ZNF804A: variants seen among roughly 807,000 people sequenced by gnomAD.
ZNF804A encodes the protein zinc finger protein 804A.
ZNF804A carries 2 observed loss-of-function variants against 16.5 expected under a neutral mutation model. The observed-to-expected ratio is 0.12, with a 90% confidence interval of 0.05 to 0.38. ZNF804A has a LOEUF of 0.38. ZNF804A is among the 10% of genes least tolerant of loss of function. The pLI is 0.99. For synonymous variants in ZNF804A, 534 were observed against 489.6 expected (o/e 1.09, Z -1.20); for missense variants, 1,473 against 1,390.7 (o/e 1.06, Z -0.94).
intron 1 of ZNF804A, among the ~76,000 whole-genome samples, chr2:184,745,073 TTATACTTTA>T (rs1452977190): frequency 6.6e-6 from 1 of 151,862 alleles, no homozygotes; most frequent in Non-Finnish European, 1.5e-5. Flanking sequence ...GATTGAGTTA[TTATACTTTA>T]TATTACTTAC....
At chr2:184,787,201 G>C (rs1694462011) in intron 1 of ZNF804A, among the ~76,000 whole-genome samples, 2 of 151,872 alleles carry the variant, frequency 1.3e-5, no homozygotes, top group South Asian at 4.1e-4. Context: ...TAATAAATTA[G>C]AACATTCAAT....
intron 2 of ZNF804A, among the ~76,000 whole-genome samples, chr2:184,874,078 A>G (rs1696016114): frequency 6.6e-6 from 1 of 152,154 alleles, no homozygotes; most frequent in African/African-American, 2.4e-5. Context: ...GAATCTTAGA[A>G]ATAAAAATAG....
chr2:184,654,542 T>A (rs1692044204), intron 1 of ZNF804A, among the ~76,000 whole-genome samples: 1 of 152,162 alleles, frequency 6.6e-6, no homozygotes, highest in Non-Finnish European at 1.5e-5. Context: ...ATTCAATGTC[T>A]CAGTGCCCCC....
intron 1 of ZNF804A, among the ~76,000 whole-genome samples, chr2:184,742,731 AAT>A (rs778877348): frequency 2.6e-5 from 4 of 150,944 alleles, no homozygotes; most frequent in Admixed American, 1.3e-4. Flanking sequence ...TAGATAAATA[AAT>A]ATATATATAT....
At chr2:184,711,797 G>A (rs1481364701) in intron 1 of ZNF804A, among the ~76,000 whole-genome samples, 1 of 151,520 alleles carries the variant, frequency 6.6e-6, no homozygotes, top group Non-Finnish European at 1.5e-5. Context: ...ATACATATAT[G>A]GGTTTATTTC....
chr2:184,650,333 A>T (rs1424100619), intron 1 of ZNF804A, among the ~76,000 whole-genome samples: 2 of 152,170 alleles, frequency 1.3e-5, no homozygotes, highest in African/African-American at 4.8e-5. Flanking sequence ...GCCATCTATG[A>T]CAAACCTGTA....
chr2:184,822,058 C>T (rs959570357), intron 1 of ZNF804A, among the ~76,000 whole-genome samples: 1 of 152,080 alleles, frequency 6.6e-6, no homozygotes, highest in South Asian at 2.1e-4. Flanking sequence ...AATTCCATTA[C>T]TTGTTGTATA....
At chr2:184,694,247 C>T (rs1327604991) in intron 1 of ZNF804A, among the ~76,000 whole-genome samples, 1 of 151,948 alleles carries the variant, frequency 6.6e-6, no homozygotes, top group Admixed American at 6.6e-5. Flanking sequence ...CTGTGCTAGG[C>T]TTAGTCTTTA....
At chr2:184,763,509 G>A (rs1694071337) in intron 1 of ZNF804A, among the ~76,000 whole-genome samples, 1 of 151,324 alleles carries the variant, frequency 6.6e-6, no homozygotes, top group African/African-American at 2.4e-5. Flanking sequence ...CTCAAGTTAG[G>A]CTTTTCTAAC....
chr2:184,906,103 G>C (rs770545041), intron 2 of ZNF804A, among the ~76,000 whole-genome samples: 5 of 152,140 alleles, frequency 3.3e-5, no homozygotes, highest in Non-Finnish European at 5.9e-5. Context: ...GAAATAAATG[G>C]AAAGGAGATA....
At chr2:184,647,247 C>T (rs1691893439) in intron 1 of ZNF804A, among the ~76,000 whole-genome samples, 1 of 152,090 alleles carries the variant, frequency 6.6e-6, no homozygotes, top group South Asian at 2.1e-4. Context: ...AAAGAAAAAC[C>T]TTACCCTCAC....
At chr2:184,734,208 C>T (rs1017716889) in intron 1 of ZNF804A, among the ~76,000 whole-genome samples, 4 of 152,114 alleles carry the variant, frequency 2.6e-5, no homozygotes, top group Non-Finnish European at 5.9e-5. Flanking sequence ...ACTAGGACTA[C>T]AGGCATATTC....
intron 1 of ZNF804A, among the ~76,000 whole-genome samples, chr2:184,689,469 G>T (rs574332793): frequency 7.2e-4 from 109 of 152,042 alleles, no homozygotes; most frequent in Non-Finnish European, 1.2e-3. Context: ...TACACTACCA[G>T]AATAACTAGA....
intron 1 of ZNF804A, among the ~76,000 whole-genome samples, chr2:184,831,736 T>TA (rs71011061): frequency 2.7e-4 from 39 of 145,492 alleles, no homozygotes; most frequent in South Asian, 8.7e-4. Flanking sequence ...TGGCCTCACT[T>TA]AAAAAAAAAA....
At chr2:184,735,247 A>T (rs1002792662) in intron 1 of ZNF804A, among the ~76,000 whole-genome samples, 1 of 152,052 alleles carries the variant, frequency 6.6e-6, no homozygotes, top group African/African-American at 2.4e-5. Context: ...TCTTTCTTAC[A>T]TAGGTCCAAG....
intron 2 of ZNF804A, among the ~76,000 whole-genome samples, chr2:184,873,773 A>G: frequency 6.6e-6 from 1 of 152,286 alleles, no homozygotes; most frequent in African/African-American, 2.4e-5. Flanking sequence ...TGTATTAGAA[A>G]TTGTTCAAAA....
intron 1 of ZNF804A, among the ~76,000 whole-genome samples, chr2:184,646,080 C>A (rs1180922322): frequency 6.6e-6 from 1 of 152,192 alleles, no homozygotes; most frequent in Non-Finnish European, 1.5e-5. Flanking sequence ...AGACTGAGAG[C>A]AGAGGCCATT....
intron 1 of ZNF804A, among the ~76,000 whole-genome samples, chr2:184,800,576 T>C (rs746245272): frequency 1.3e-4 from 19 of 151,696 alleles, no homozygotes; most frequent in Non-Finnish European, 2.2e-4. Context: ...TTCAAATACT[T>C]ATAGATTTTC....
intron 1 of ZNF804A, among the ~76,000 whole-genome samples, chr2:184,760,930 C>G (rs751701154): frequency 1.2e-4 from 18 of 152,024 alleles, no homozygotes; most frequent in Admixed American, 2.0e-4. Context: ...TTTAATTCAC[C>G]GGCTGGCACA....
Sources: gnomAD v4.1 joint callset for allele counts (sites outside exome capture counted in the v4.1 genomes callset) on GRCh38, gnomAD v4.1.1 for gene constraint, MANE v1.5 for transcripts, NCBI Gene and HGNC (gene_info 2026-07-23, HGNC 2026-07-21) for gene names.